Variants in POLI observed in about 807,000 individuals in gnomAD.
POLI encodes DNA polymerase iota.
A neutral mutation model predicts 51.6 loss-of-function variants in POLI; 58 were observed. That is an observed-to-expected ratio of 1.12 (90% CI 0.91 to 1.40). The LOEUF is 1.40. Ranked by LOEUF, POLI falls within the 40% of genes most tolerant of loss-of-function variation. The pLI, the probability that POLI is intolerant of heterozygous loss-of-function variation, is 0.00. For synonymous variants in POLI, 322 were observed against 299.7 expected, an observed-to-expected ratio of 1.07 and a Z score of -0.77; for missense variants, 921 against 871.3, an observed-to-expected ratio of 1.06 and a Z score of -0.72.
At position 54,294,416 on chromosome 18, in the gene POLI, G is replaced by A. The variant is rs1184825807; in HGVS notation, c.2172G>A (p.Leu724=). ...TACCAGAAGCAGTACAAAAGGAACT[G>A]CTGGCAGAGTGGAAGAGAGCAGGAT... ...YELPEAVQKE[L]LAEWKRAGSD... is the part of the protein sequence containing the mutation. Residue 724 remains leucine (L), a synonymous_variant, in exon 10 of 10, where the codon CTG becomes CTA. Transcript: ENST00000579534. 1 of 1,612,276 alleles carries A rather than the reference G, an allele frequency of 6.2e-7. No homozygotes were observed. The highest frequency in any genetic ancestry group is 8.5e-7 in the Non-Finnish European group (1 of 1,179,186).
At chr18:54,307,234 T>C (rs1403321853) in intron 3 of POLI, among the ~76,000 whole-genome samples, 1 of 152,256 alleles carries the variant, frequency 6.6e-6, no homozygotes, top group African/African-American at 2.4e-5. Context: ...TTTAGTGATA[T>C]AAATTTCCCT....
At chr18:54,315,978 T>G (rs1163139228) in intron 3 of POLI, among the ~76,000 whole-genome samples, 4 of 152,034 alleles carry the variant, frequency 2.6e-5, no homozygotes, top group African/African-American at 7.2e-5. Context: ...TGCAGTGCTG[T>G]GCTTATAGCT....
At chr18:54,269,934 G>A in intron 1 of POLI, 1 of 1,195,580 alleles carries the variant, frequency 8.4e-7, no homozygotes, top group Non-Finnish European at 1.0e-6. Context: ...GGGGCGAGGT[G>A]GGGCGGGAAT....
At chr18:54,272,611 A>G (rs1400920884) in intron 2 of POLI, among the ~76,000 whole-genome samples, 1 of 151,600 alleles carries the variant, frequency 6.6e-6, no homozygotes, top group Non-Finnish European at 1.5e-5. Flanking sequence ...AGCTGGGACT[A>G]GAGGTGTGCG....
intron 5 of POLI, among the ~76,000 whole-genome samples, chr18:54,281,114 A>G (rs1474385104): frequency 6.6e-6 from 1 of 152,126 alleles, no homozygotes; most frequent in South Asian, 2.1e-4. Context: ...ATGTGAAGGT[A>G]CTTTTCTTAT....
intron 7 of POLI, among the ~76,000 whole-genome samples, chr18:54,284,899 T>G (rs3730752): frequency 0.12 from 18,125 of 152,224 alleles, 3,606 homozygotes; most frequent in African/African-American, 0.41. Context: ...GTATTATCTG[T>G]TTTCGTCCCA....
intron 3 of POLI, among the ~76,000 whole-genome samples, chr18:54,314,882 A>G (rs989611244): frequency 7.9e-5 from 12 of 152,102 alleles, no homozygotes; most frequent in African/African-American, 2.2e-4. Flanking sequence ...TTAGTGGTCT[A>G]TCAATCTTGT....
intron 3 of POLI, chr18:54,320,129 A>G (rs1025271274): frequency 6.6e-6 from 1 of 152,190 alleles, no homozygotes; most frequent in Non-Finnish European, 1.5e-5. Context: ...AAAAGGGAAA[A>G]TAACACTCAG....
chr18:54,310,471 C>T (rs1362691033), intron 3 of POLI, among the ~76,000 whole-genome samples: 1 of 131,190 alleles, frequency 7.6e-6, no homozygotes, highest in African/African-American at 3.0e-5. Flanking sequence ...TGTTACCTCA[C>T]AGTATTACCT....
Position 54,294,295 on chromosome 18 carries a change from A to G in POLI, c.2051A>G (p.Asp684Gly), listed in dbSNP as rs773996646. Residue 684 changes from aspartate to glycine, a missense_variant, in exon 10 of 10, where the codon GAC becomes GGC. Physicochemically the swap from Asp to Gly is moderately conservative, Grantham distance 94 (BLOSUM62 -1). Transcript: ENST00000579534. ...AGCCATAAGCAAACAGTAGCAACAGACTCTCATGAAGGACTTACAGAAAAT... is the reference window on the plus strand; with the variant it reads ...AGCCATAAGCAAACAGTAGCAACAGGCTCTCATGAAGGACTTACAGAAAAT... ...TDSHKQTVATDSHEGLTENRE... is the reference protein window; with the variant it reads ...TDSHKQTVATGSHEGLTENRE... The G allele has an allele frequency of 6.2e-7, 1 of 1,613,470 alleles. No individual in the cohort carries two copies. The highest frequency in any genetic ancestry group is 1.7e-5 in the Admixed American group (1 of 59,966).
intron 5 of POLI, 141 bp from the exon 6 acceptor site, chr18:54,282,696 A>G (rs1294689454): frequency 1.8e-6 from 1 of 562,166 alleles, no homozygotes; most frequent in Non-Finnish European, 3.1e-6. Context: ...AGGTCTTAGA[A>G]TGTATCCCCT....
chr18:54,283,455 G>A (rs2087606758), intron 6 of POLI, among the ~76,000 whole-genome samples: 1 of 152,090 alleles, frequency 6.6e-6, no homozygotes. Context: ...AAAGCATCAA[G>A]GTAGGTAGTA....
intron 3 of POLI, among the ~76,000 whole-genome samples, chr18:54,316,745 TG>T (rs1252909535): frequency 6.6e-6 from 1 of 152,136 alleles, no homozygotes; most frequent in East Asian, 1.9e-4. Flanking sequence ...ATGAAATATT[TG>T]GTAAAAGGAA....
At position 54,296,114 on chromosome 18, in the gene POLI, TC is replaced by T; in HGVS notation, c.*1649del. 4.1e-6 allele frequency: 4 copies of T among 982,242 alleles called. No individual in the cohort carries two copies. The highest frequency in any genetic ancestry group is 4.8e-6 in the Non-Finnish European group (4 of 827,092). 60.8% of individuals were successfully genotyped at this position (982,242 alleles called of 1,614,324 possible). The stretch of plus-strand genomic sequence containing the variant: ...AACATAGTATTTTTTACATGAGTAT[TC>T]CAGTAAGGTAATTAAACTTATGAAA... On this transcript the variant is annotated 3_prime_UTR_variant, in exon 10 of 10. Transcript: ENST00000579534.
chr18:54,284,007 T>C lies in POLI; in HGVS notation c.1061T>C (p.Leu354Ser), dbSNP rs761117831. The change falls in exon 7 of 10, where the codon TTA becomes TCA. Residue 354 changes from leucine (L) to serine (S), a missense_variant. By Grantham distance (145) the Leu-to-Ser change is moderately radical. Coordinates refer to ENST00000579534, the MANE Select transcript of POLI (RefSeq NM_007195.3). ...NKIEELLASL[L>S]NRVCQDGRKP... ...ATTGAAGAACTACTTGCTAGTCTTT[T>C]AAACAGGTGATTTTCAATCCATTTT... 2.6e-5 allele frequency: 36 copies of C among 1,362,200 alleles called. 4 individuals carry two copies. The South Asian group carries it at 4.4e-4, about 17-fold the overall frequency. 84.4% of individuals were successfully genotyped at this position (1,362,200 alleles called of 1,614,324 possible).
At chr18:54,287,716 A>G (rs751070597) in intron 8 of POLI, 1 of 204,912 alleles carries the variant, frequency 4.9e-6, no homozygotes, top group Non-Finnish European at 1.0e-5. Flanking sequence ...AGTAGCTGGG[A>G]CAGTAGGTGC....
chr18:54,319,431 C>T (rs988803879), intron 3 of POLI, among the ~76,000 whole-genome samples: 1 of 151,878 alleles, frequency 6.6e-6, no homozygotes, highest in Non-Finnish European at 1.5e-5. Context: ...GATAATTTCT[C>T]GATAAGACTA....
chr18:54,293,836 T>A lies in POLI; in HGVS notation c.1592T>A (p.Val531Asp). The A allele has an allele frequency of 6.2e-7, 1 of 1,610,286 alleles. No individual in the cohort carries two copies. Among genetic ancestry groups the A allele is most frequent in the Non-Finnish European group, 8.5e-7 (1 of 1,177,692 alleles). The change falls in exon 10 of 10, where the codon GTC (valine) becomes GAC (aspartate). Residue 531 changes from valine to aspartate, a missense_variant. By Grantham distance (152) the Val-to-Asp change is radical (BLOSUM62 -3). Transcript: ENST00000579534. ...CTTCCTGAAGGTGTTGACCAAGAAG[T>A]CTTCAAGCAGCTTCCAGTAGATATT... ...CSLPEGVDQEVFKQLPVDIQE... is the reference protein window; with the variant it reads ...CSLPEGVDQEDFKQLPVDIQE...
At chr18:54,283,411 C>T (rs931784556) in intron 6 of POLI, among the ~76,000 whole-genome samples, 1 of 152,120 alleles carries the variant, frequency 6.6e-6, no homozygotes, top group Non-Finnish European at 1.5e-5. Flanking sequence ...TTACTGAGTG[C>T]TTTAAATATG....
Sources: allele counts gnomAD v4.1 joint callset (sites outside exome capture counted in the v4.1 genomes callset), GRCh38; gene constraint gnomAD v4.1.1; transcripts MANE v1.5; gene names NCBI Gene and HGNC (gene_info 2026-07-23, HGNC 2026-07-21).